The following TMEM132D variants were observed in gnomAD, a reference collection of about 807,000 sequenced individuals.
TMEM132D encodes transmembrane protein 132D.
In TMEM132D, 21 loss-of-function variants were observed where a neutral mutation model predicts 62.3. The observed-to-expected ratio is 0.34, with a 90% CI of 0.24 to 0.49. TMEM132D has a LOEUF of 0.49. Among genes scored for constraint, TMEM132D ranks in the 20% least tolerant of loss-of-function variants. The probability of loss-of-function intolerance (pLI) is 0.99; values close to 1 mark genes in which losing one functional copy is unlikely to be tolerated. For synonymous variants in TMEM132D, 621 were observed against 575.6 expected, an observed-to-expected ratio of 1.08 and a Z score of -1.13; for missense variants, 1,346 against 1,402.8, an observed-to-expected ratio of 0.96 and a Z score of 0.65.
At position 129,719,051 on chromosome 12, in the gene TMEM132D, A is replaced by G. The variant is rs374035607; in HGVS notation, c.80-18353T>C. 4.0e-5 allele frequency among the ~76,000 whole-genome samples: 6 copies of G among 149,742 alleles called. No homozygotes were observed. The East Asian group carries it at 5.9e-4, about 15-fold the overall frequency. On this transcript the variant is annotated intron_variant, in intron 1 of 8. Coordinates refer to ENST00000422113, the MANE Select transcript of TMEM132D (RefSeq NM_133448.3). ...CAGGAGTTTGAGACCAGCCTGGGAA[A>G]CATGGCGAGACCTCCTCTCTACAAA...
intron 4 of TMEM132D, among the ~76,000 whole-genome samples, chr12:129,221,652 TG>T (rs1458580681): frequency 2.0e-5 from 3 of 152,202 alleles, no homozygotes; most frequent in Admixed American, 2.0e-4. Context: ...TTCCTCAATG[TG>T]TCCTCCTAAC....
intron 4 of TMEM132D, among the ~76,000 whole-genome samples, chr12:129,230,084 A>T (rs568649493): frequency 2.0e-5 from 3 of 152,392 alleles, no homozygotes; most frequent in South Asian, 4.1e-4. Flanking sequence ...GATAAAATCA[A>T]TCTGGGGTTT....
At chr12:129,432,174 G>C (rs886321150) in intron 3 of TMEM132D, among the ~76,000 whole-genome samples, 14 of 149,652 alleles carry the variant, frequency 9.4e-5, no homozygotes, top group African/African-American at 3.3e-4. Flanking sequence ...TGGATGGATG[G>C]ATGGATGGAT....
intron 2 of TMEM132D, among the ~76,000 whole-genome samples, chr12:129,613,188 C>T (rs957577374): frequency 6.6e-6 from 1 of 152,122 alleles, no homozygotes; most frequent in African/African-American, 2.4e-5. Context: ...CACTTTGGCA[C>T]GTAACTGCCA....
intron 5 of TMEM132D, among the ~76,000 whole-genome samples, chr12:129,140,747 G>C (rs4964873): frequency 0.24 from 35,837 of 151,788 alleles, 4,384 homozygotes; most frequent in South Asian, 0.33. Flanking sequence ...GATGAGGCAG[G>C]AGAATCGCTT....
At chr12:129,345,712 T>C (rs1869660457) in intron 3 of TMEM132D, among the ~76,000 whole-genome samples, 1 of 152,160 alleles carries the variant, frequency 6.6e-6, no homozygotes, top group South Asian at 2.1e-4. Flanking sequence ...GAGCTAGACA[T>C]GGTTCTGTTT....
At position 129,602,349 on chromosome 12, in the gene TMEM132D, C is replaced by G. The variant is rs535196172; in HGVS notation, c.969-71144G>C. Among the ~76,000 whole-genome samples the G allele has an allele frequency of 3.3e-5, 5 of 152,078 alleles. No individual in the cohort carries two copies. In the East Asian group the frequency reaches 5.8e-4, roughly 18 times the overall value. On this transcript the variant is annotated intron_variant, in intron 2 of 8. Coordinates refer to ENST00000422113, the MANE Select transcript of TMEM132D (RefSeq NM_133448.3). Reference sequence around the variant, plus strand: ...AAATAAAAATGTCAATATAGCTATCCGTGAGCTCACTGAATTTTACTTCCT... The same window carrying G: ...AAATAAAAATGTCAATATAGCTATCGGTGAGCTCACTGAATTTTACTTCCT...
At chr12:129,564,580 T>C (rs933042780) in intron 2 of TMEM132D, among the ~76,000 whole-genome samples, 8 of 152,182 alleles carry the variant, frequency 5.3e-5, no homozygotes, top group African/African-American at 9.6e-5. Flanking sequence ...ATTTCTCCAG[T>C]GAACACGTCC....
intron 7 of TMEM132D, among the ~76,000 whole-genome samples, chr12:129,081,454 A>G (rs1177111917): frequency 6.6e-6 from 1 of 151,930 alleles, no homozygotes; most frequent in African/African-American, 2.4e-5. Flanking sequence ...ATGCACCACC[A>G]CACTCGGGTA....
chr12:129,788,555 G>A (rs1179863343), intron 1 of TMEM132D, among the ~76,000 whole-genome samples: 3 of 152,298 alleles, frequency 2.0e-5, no homozygotes, highest in East Asian at 1.9e-4. Context: ...AAAAATCAAC[G>A]TGGATGTCTC....
rs190720487 is a variant in TMEM132D at position 129,691,920 on chromosome 12, C to T, written c.968+7890G>A. On this transcript the variant is annotated intron_variant, in intron 2 of 8. Coordinates refer to ENST00000422113, the MANE Select transcript of TMEM132D (RefSeq NM_133448.3). ...AAACTCACACAAGGAGAAAGAAATA[C>T]GTAGCATGAATAGCCCTATCTATTA... Among the ~76,000 whole-genome samples, 18 of 151,992 alleles carry T rather than the reference C, an allele frequency of 1.2e-4. No homozygotes were observed. In the East Asian group the frequency reaches 1.7e-3, roughly 15 times the overall value.
At chr12:129,844,842 G>T (rs1332656783) in intron 1 of TMEM132D, among the ~76,000 whole-genome samples, 3 of 152,108 alleles carry the variant, frequency 2.0e-5, no homozygotes, top group Non-Finnish European at 2.9e-5. Context: ...TTCCATTTTG[G>T]CTTGGAGTGG....
At chr12:129,596,333 T>A (rs773570758) in intron 2 of TMEM132D, among the ~76,000 whole-genome samples, 1 of 152,184 alleles carries the variant, frequency 6.6e-6, no homozygotes, top group African/African-American at 2.4e-5. Flanking sequence ...TGAGACGATG[T>A]TCTTCTTCTT....
At chr12:129,311,173 G>A (rs1881964684) in intron 4 of TMEM132D, among the ~76,000 whole-genome samples, 1 of 72,062 alleles carries the variant, frequency 1.4e-5, no homozygotes, top group African/African-American at 7.4e-5. Flanking sequence ...ACTCCAGCCT[G>A]GGCGACAGAG....
At chr12:129,664,160 C>T (rs1430350909) in intron 2 of TMEM132D, among the ~76,000 whole-genome samples, 3 of 152,164 alleles carry the variant, frequency 2.0e-5, no homozygotes, top group African/African-American at 7.2e-5. Context: ...GATGTATCAA[C>T]GACTCACTAG....
chr12:129,837,563 C>A (rs1640127797), intron 1 of TMEM132D, among the ~76,000 whole-genome samples: 1 of 152,220 alleles, frequency 6.6e-6, no homozygotes, highest in South Asian at 2.1e-4. Flanking sequence ...AGGATTTATG[C>A]TTTAAAAGGT....
chr12:129,645,730 A>C (rs1292211204), intron 2 of TMEM132D, among the ~76,000 whole-genome samples: 3 of 152,220 alleles, frequency 2.0e-5, no homozygotes, highest in East Asian at 3.9e-4. Context: ...AGGATGCAAT[A>C]GAGAAGCCAG....
At chr12:129,329,339 T>C (rs1210335062) in intron 4 of TMEM132D, among the ~76,000 whole-genome samples, 1 of 152,146 alleles carries the variant, frequency 6.6e-6, no homozygotes, top group African/African-American at 2.4e-5. Flanking sequence ...TGAGAAAGTA[T>C]AAAAATGAAA....
intron 2 of TMEM132D, among the ~76,000 whole-genome samples, chr12:129,633,631 C>G (rs1046613495): frequency 2.6e-5 from 4 of 152,154 alleles, no homozygotes; most frequent in African/African-American, 9.7e-5. Flanking sequence ...TTAAGTACAT[C>G]TGAATGGCAT....
Sources: gnomAD v4.1 joint callset for allele counts (sites outside exome capture counted in the v4.1 genomes callset) on GRCh38, gnomAD v4.1.1 for gene constraint, MANE v1.5 for transcripts, NCBI Gene and HGNC (gene_info 2026-07-23, HGNC 2026-07-21) for gene names.